The following DIAPH3 variants were observed in gnomAD, a reference collection of about 807,000 sequenced individuals.
DIAPH3 encodes diaphanous related formin 3.
DIAPH3 carries 117 observed loss-of-function variants against 144.3 expected under a neutral mutation model. The ratio of observed to expected loss-of-function variants is 0.81; its 90% CI spans 0.70 to 0.95. The LOEUF is 0.95. Ranked by LOEUF, DIAPH3 falls within the 40% of genes least tolerant of loss-of-function variation. The probability of loss-of-function intolerance (pLI) is 0.00; values close to 1 mark genes in which losing one functional copy is unlikely to be tolerated. For synonymous variants in DIAPH3, 519 were observed against 488.9 expected (o/e 1.06, Z -0.81); for missense variants, 1,421 against 1,412.7 (o/e 1.01, Z -0.09).
chr13:59,923,840 C>T (rs926394550), intron 18 of DIAPH3, among the ~76,000 whole-genome samples: 27 of 152,146 alleles, frequency 1.8e-4, no homozygotes, highest in Non-Finnish European at 3.4e-4. Flanking sequence ...AAAGTGATTA[C>T]GAAGGAGAGG....
intron 19 of DIAPH3, among the ~76,000 whole-genome samples, chr13:59,913,131 A>C (rs962490820): frequency 2.0e-5 from 3 of 152,196 alleles, no homozygotes; most frequent in African/African-American, 7.2e-5. Context: ...TTATTACTTC[A>C]GGCCTCTGAA....
intron 23 of DIAPH3, chr13:59,838,442 A>C (rs1309275924): frequency 6.6e-6 from 1 of 151,814 alleles, no homozygotes; most frequent in Non-Finnish European, 1.5e-5. Flanking sequence ...ATACATACCG[A>C]TTTATTTGGG....
chr13:60,154,151 A>G (rs1423626375), intron 1 of DIAPH3, among the ~76,000 whole-genome samples: 1 of 152,154 alleles, frequency 6.6e-6, no homozygotes, highest in Non-Finnish European at 1.5e-5. Context: ...CAAATATCCA[A>G]TGTATTCCTA....
intron 17 of DIAPH3, among the ~76,000 whole-genome samples, chr13:59,965,843 T>G (rs985552833): frequency 6.6e-6 from 1 of 152,038 alleles, no homozygotes; most frequent in South Asian, 2.1e-4. Context: ...GTATCCCCAA[T>G]GTCAAGCATG....
chr13:60,043,970 TAA>T (rs757992803), intron 4 of DIAPH3, among the ~76,000 whole-genome samples: 6 of 151,784 alleles, frequency 4.0e-5, no homozygotes, highest in African/African-American at 1.2e-4. Flanking sequence ...AGTGTTTAAA[TAA>T]AAAGTCTGAA....
intron 25 of DIAPH3, among the ~76,000 whole-genome samples, chr13:59,785,778 T>C (rs2039001647): frequency 6.6e-6 from 1 of 152,196 alleles, no homozygotes; most frequent in African/African-American, 2.4e-5. Context: ...GTGTGATGCA[T>C]TTCTGTCTAA....
chr13:60,135,162 A>G (rs1594754515), intron 1 of DIAPH3, among the ~76,000 whole-genome samples: 1 of 152,054 alleles, frequency 6.6e-6, no homozygotes, highest in East Asian at 1.9e-4. Context: ...TTAAAATTTC[A>G]GTTGGGCTCA....
At chr13:59,988,820 C>G (rs1425443192) in intron 12 of DIAPH3, among the ~76,000 whole-genome samples, 1 of 151,718 alleles carries the variant, frequency 6.6e-6, no homozygotes, top group Non-Finnish European at 1.5e-5. Flanking sequence ...ACATGGTAAG[C>G]CTTAATTATT....
intron 21 of DIAPH3, among the ~76,000 whole-genome samples, chr13:59,862,106 A>G (rs1208021747): frequency 1.3e-5 from 2 of 152,196 alleles, no homozygotes; most frequent in African/African-American, 4.8e-5. Context: ...AAGAAAAAAT[A>G]CAAAAGTGCA....
chr13:59,674,381 C>T (rs1482902717), intron 27 of DIAPH3, among the ~76,000 whole-genome samples: 1 of 152,162 alleles, frequency 6.6e-6, no homozygotes, highest in Non-Finnish European at 1.5e-5. Flanking sequence ...AGAGACAGAA[C>T]TAAGTCCTCA....
chr13:59,858,209 CT>C (rs2043365890), intron 22 of DIAPH3, among the ~76,000 whole-genome samples: 1 of 151,896 alleles, frequency 6.6e-6, no homozygotes, highest in Non-Finnish European at 1.5e-5. Flanking sequence ...CACCATTAGG[CT>C]AGTGAAAAGC....
intron 2 of DIAPH3, among the ~76,000 whole-genome samples, chr13:60,127,855 T>C (rs1313001564): frequency 6.6e-6 from 1 of 152,182 alleles, no homozygotes; most frequent in Non-Finnish European, 1.5e-5. Context: ...TACTCAATAC[T>C]GGTACAATAT....
chr13:59,694,836 T>C (rs1365956622), intron 27 of DIAPH3, among the ~76,000 whole-genome samples: 2 of 152,134 alleles, frequency 1.3e-5, no homozygotes, highest in Non-Finnish European at 2.9e-5. Context: ...AATATAAATA[T>C]TCACAGGTTC....
intron 20 of DIAPH3, among the ~76,000 whole-genome samples, chr13:59,883,440 A>AT (rs2045222320): frequency 6.6e-6 from 1 of 151,954 alleles, no homozygotes; most frequent in African/African-American, 2.4e-5. Flanking sequence ...AGAAGGATTT[A>AT]TTTTTTATTC....
intron 17 of DIAPH3, among the ~76,000 whole-genome samples, chr13:59,956,437 C>G: frequency 1.3e-5 from 2 of 152,320 alleles, no homozygotes; most frequent in South Asian, 4.1e-4. Context: ...CAAGCCTTGG[C>G]GGCTTACACA....
chr13:59,864,743 T>C (rs2043813324), intron 21 of DIAPH3, among the ~76,000 whole-genome samples: 1 of 151,952 alleles, frequency 6.6e-6, no homozygotes, highest in African/African-American at 2.4e-5. Context: ...TCAGAGACCA[T>C]TATAAAGCTA....
At chr13:60,003,549 A>G (rs780723489) in intron 9 of DIAPH3, among the ~76,000 whole-genome samples, 1 of 150,174 alleles carries the variant, frequency 6.7e-6, no homozygotes, top group African/African-American at 2.4e-5. Flanking sequence ...ATCTATCTAT[A>G]TATAGATAGA....
chr13:60,110,938 T>C (rs2058550334), intron 3 of DIAPH3, among the ~76,000 whole-genome samples: 1 of 152,216 alleles, frequency 6.6e-6, no homozygotes, highest in African/African-American at 2.4e-5. Flanking sequence ...TTCTAGGTAG[T>C]TGTACTTTTA....
intron 22 of DIAPH3, among the ~76,000 whole-genome samples, chr13:59,841,683 T>C (rs1390738672): frequency 6.6e-6 from 1 of 152,180 alleles, no homozygotes; most frequent in Non-Finnish European, 1.5e-5. Flanking sequence ...AGTGTATTAG[T>C]AGTATAATGG....
Sources: allele counts gnomAD v4.1 joint callset (sites outside exome capture counted in the v4.1 genomes callset), GRCh38; gene constraint gnomAD v4.1.1; transcripts MANE v1.5; gene names NCBI Gene and HGNC (gene_info 2026-07-23, HGNC 2026-07-21).